The following NEDD4L variants were observed in gnomAD, a reference collection of about 807,000 sequenced individuals.
The protein encoded by NEDD4L is NEDD4 like E3 ubiquitin protein ligase.
NEDD4L carries 54 observed loss-of-function variants against 148.9 expected under a neutral mutation model. The observed-to-expected ratio is 0.36, with a 90% CI of 0.29 to 0.45. NEDD4L has a LOEUF of 0.45. Among genes scored for constraint, NEDD4L ranks in the 20% least tolerant of loss-of-function variants. The pLI, the probability that NEDD4L is intolerant of heterozygous loss-of-function variation, is 1.00. For missense variants in NEDD4L, 856 were observed against 1,233.8 expected (o/e 0.69, Z 4.59); for synonymous variants, 433 against 440.7 (o/e 0.98, Z 0.22).
At chr18:58,072,970 T>G (rs957027156) in intron 1 of NEDD4L, among the ~76,000 whole-genome samples, 1 of 150,616 alleles carries the variant, frequency 6.6e-6, no homozygotes, top group Non-Finnish European at 1.5e-5. Flanking sequence ...CATCCAGAAA[T>G]GAAATTAATA....
intron 2 of NEDD4L, among the ~76,000 whole-genome samples, chr18:58,214,800 A>ATTTTTTTT (rs60043101): frequency 2.4e-5 from 3 of 123,352 alleles, no homozygotes; most frequent in East Asian, 2.1e-4. Flanking sequence ...TCTTTCTTTC[A>ATTTTTTTT]TTTTTTTTTT....
intron 1 of NEDD4L, among the ~76,000 whole-genome samples, chr18:58,094,100 C>CT (rs2084233038): frequency 6.6e-6 from 1 of 152,114 alleles, no homozygotes; most frequent in Non-Finnish European, 1.5e-5. Flanking sequence ...CCTAGTGCAG[C>CT]TTGCAAAGTC....
At chr18:58,280,932 T>C (rs991266390) in intron 5 of NEDD4L, among the ~76,000 whole-genome samples, 3 of 152,198 alleles carry the variant, frequency 2.0e-5, no homozygotes, top group African/African-American at 7.2e-5. Flanking sequence ...TTTCCACTAA[T>C]GTGACATTTC....
At position 58,174,343 on chromosome 18, in the gene NEDD4L, G is replaced by A. The variant is rs567282609; in HGVS notation, c.122+8482G>A. Among the ~76,000 whole-genome samples, 3 of 152,278 alleles carry A rather than the reference G, an allele frequency of 2.0e-5. No homozygotes were observed. The South Asian group carries it at 6.2e-4, about 32-fold the overall frequency. On this transcript the variant is annotated intron_variant, in intron 2 of 30. Transcript: ENST00000400345. The stretch of plus-strand genomic sequence containing the variant: ...AGAATCAATCAGGAAAGGGTGGGCA[G>A]ACAGGAACAGAAGTTCTCGCTCTGG...
At chr18:58,144,736 G>A (rs955335646) in intron 1 of NEDD4L, among the ~76,000 whole-genome samples, 3 of 152,118 alleles carry the variant, frequency 2.0e-5, no homozygotes, top group Non-Finnish European at 2.9e-5. Flanking sequence ...CGCGTGTACC[G>A]CACAGTTCAT....
At chr18:58,087,861 T>G (rs909555075) in intron 1 of NEDD4L, among the ~76,000 whole-genome samples, 3 of 151,800 alleles carry the variant, frequency 2.0e-5, no homozygotes, top group Non-Finnish European at 4.4e-5. Flanking sequence ...ACAGCAAGAG[T>G]GAAACTCCAT....
intron 1 of NEDD4L, among the ~76,000 whole-genome samples, chr18:58,089,881 C>T (rs1652281350): frequency 6.6e-6 from 1 of 150,708 alleles, no homozygotes; most frequent in African/African-American, 2.4e-5. Context: ...ACTCTGTTTC[C>T]CAGGCTGGAG....
intron 14 of NEDD4L, 49 bp downstream of exon 14, chr18:58,341,218 A>G (rs1487517196): frequency 3.1e-6 from 5 of 1,598,716 alleles, no homozygotes; most frequent in Middle Eastern, 1.7e-4. Flanking sequence ...AGAAGCCGAA[A>G]TGTACATGAC....
rs147209028 is a variant in NEDD4L, at chr18:58,330,808, C to T, written c.884C>T (p.Pro295Leu). 6 of 1,613,750 alleles carry T rather than the reference C, an allele frequency of 3.7e-6. No individual in the cohort carries two copies. The East Asian group carries it at 6.7e-5, about 18-fold the overall frequency. The change falls in exon 11 of 31, where the codon CCG (proline) becomes CTG (leucine). Residue 295 changes from proline to leucine, a missense_variant. Physicochemically the swap from Pro to Leu is moderately conservative, Grantham distance 98. This residue lies in a region of NEDD4L where 367 missense variants were observed against 422.7 expected (regional missense o/e 0.87). Coordinates refer to ENST00000400345, the MANE Select transcript of NEDD4L (RefSeq NM_001144967.3). ...DSLGLALPPPPASPGSRTSPQ... is the reference protein window; with the variant it reads ...DSLGLALPPPLASPGSRTSPQ... ...CTCGGTCTGGCTCTGCCCCCACCACCGGCCTCCCCAGGATCTCGGACCAGC... is the reference window on the plus strand; with the variant it reads ...CTCGGTCTGGCTCTGCCCCCACCACTGGCCTCCCCAGGATCTCGGACCAGC...
intron 13 of NEDD4L, among the ~76,000 whole-genome samples, chr18:58,337,478 G>A (rs1395808230): frequency 6.6e-6 from 1 of 152,080 alleles, no homozygotes; most frequent in Non-Finnish European, 1.5e-5. Context: ...ATTGTCCTGG[G>A]CTGGAGCCAT....
chr18:58,215,458 C>G (rs1006771134), intron 2 of NEDD4L, among the ~76,000 whole-genome samples: 1 of 152,012 alleles, frequency 6.6e-6, no homozygotes, highest in Non-Finnish European at 1.5e-5. Flanking sequence ...TTCCTTTGAC[C>G]TATTAATTTT....
chr18:58,303,094 G>A (rs2056686917), intron 5 of NEDD4L, among the ~76,000 whole-genome samples: 1 of 152,228 alleles, frequency 6.6e-6, no homozygotes. Context: ...ACTCATCCTG[G>A]TGGGTTTTCC....
intron 5 of NEDD4L, among the ~76,000 whole-genome samples, chr18:58,265,917 G>T (rs537749576): frequency 6.6e-6 from 1 of 151,870 alleles, no homozygotes; most frequent in East Asian, 1.9e-4. Context: ...ATACAGGGGA[G>T]AATTTATCCT....
At chr18:58,174,682 A>G (rs752124) in intron 2 of NEDD4L, among the ~76,000 whole-genome samples, 46,428 of 151,954 alleles carry the variant, frequency 0.31, 7,924 homozygotes, top group East Asian at 0.62. Context: ...GCTACGTGCG[A>G]CTGGAGGGAC....
rs115491756 is a variant in NEDD4L, at chr18:58,103,817, G to A, written c.48+59109G>A. Among the ~76,000 whole-genome samples, 137 of 152,358 alleles carry A rather than the reference G, an allele frequency of 9.0e-4. 1 individual carries two copies. The highest frequency in any genetic ancestry group is 3.1e-3 in the African/African-American group (129 of 41,582). On this transcript the variant is annotated intron_variant, in intron 1 of 30. Coordinates refer to ENST00000400345, the MANE Select transcript of NEDD4L (RefSeq NM_001144967.3). Reference sequence around the variant, plus strand: ...TGGAGAGACTGCCTGCGCAGCCCGAGGAGGAGAATGCAGGTTTACCACATA... The same window carrying A: ...TGGAGAGACTGCCTGCGCAGCCCGAAGAGGAGAATGCAGGTTTACCACATA...
At chr18:58,270,597 A>G (rs2050897084) in intron 5 of NEDD4L, among the ~76,000 whole-genome samples, 1 of 152,224 alleles carries the variant, frequency 6.6e-6, no homozygotes, top group African/African-American at 2.4e-5. Flanking sequence ...CATTCTTTAC[A>G]TAAATAAACA....
At chr18:58,310,413 G>C (rs951211400) in intron 5 of NEDD4L, among the ~76,000 whole-genome samples, 4 of 152,198 alleles carry the variant, frequency 2.6e-5, no homozygotes, top group Non-Finnish European at 4.4e-5. Flanking sequence ...TGGGTTTTGT[G>C]TTCTGGTGCA....
intron 2 of NEDD4L, among the ~76,000 whole-genome samples, chr18:58,183,699 G>A (rs528775536): frequency 2.6e-5 from 4 of 152,306 alleles, no homozygotes; most frequent in African/African-American, 9.6e-5. Flanking sequence ...ATTTCAGATC[G>A]CTTCATCGGA....
chr18:58,083,228 G>A (rs2083560957), intron 1 of NEDD4L, among the ~76,000 whole-genome samples: 1 of 152,194 alleles, frequency 6.6e-6, no homozygotes, highest in South Asian at 2.1e-4. Context: ...GTGGTTCACA[G>A]TAACATGATA....
Sources: gnomAD v4.1 joint callset for allele counts (sites outside exome capture counted in the v4.1 genomes callset) on GRCh38, gnomAD v4.1.1 for gene constraint, gnomAD v4.1.1 regional missense constraint, MANE v1.5 for transcripts, NCBI Gene and HGNC (gene_info 2026-07-23, HGNC 2026-07-21) for gene names.